PTPRN2: variants seen among roughly 807,000 people sequenced by gnomAD.
PTPRN2 encodes protein tyrosine phosphatase receptor type N2.
Under a neutral mutation model 118.8 loss-of-function variants are expected in PTPRN2, and 74 were observed. The ratio of observed to expected loss-of-function variants is 0.62; its 90% CI spans 0.52 to 0.76. PTPRN2 has a LOEUF of 0.76. PTPRN2 is among the 30% of genes least tolerant of loss of function. The pLI, the probability that PTPRN2 is intolerant of heterozygous loss-of-function variation, is 0.00. For missense variants in PTPRN2, 1,481 were observed against 1,394.4 expected (o/e 1.06, Z -0.99); for synonymous variants, 641 against 608.0 (o/e 1.05, Z -0.80).
intron 12 of PTPRN2, among the ~76,000 whole-genome samples, chr7:157,848,471 C>G (rs112477934): frequency 6.8e-6 from 1 of 147,682 alleles, no homozygotes; most frequent in Admixed American, 6.7e-5. Context: ...CTGCATCATG[C>G]GTGCCCAATG....
At chr7:158,413,747 G>A (rs987197933) in intron 2 of PTPRN2, among the ~76,000 whole-genome samples, 4 of 152,356 alleles carry the variant, frequency 2.6e-5, no homozygotes, top group African/African-American at 4.8e-5. Context: ...CCCATCCTGC[G>A]GGTGCTGGGG....
At chr7:158,394,496 G>A (rs1420201083) in intron 2 of PTPRN2, among the ~76,000 whole-genome samples, 1 of 152,198 alleles carries the variant, frequency 6.6e-6, no homozygotes, top group East Asian at 1.9e-4. Context: ...TCGGGGATGA[G>A]CCCCCGTGGC....
At chr7:158,206,677 G>A (rs1328998471) in intron 3 of PTPRN2, among the ~76,000 whole-genome samples, 2 of 152,102 alleles carry the variant, frequency 1.3e-5, no homozygotes, top group African/African-American at 2.4e-5. Flanking sequence ...GACTGCCAAG[G>A]TGATACATCT....
rs575579555 is a variant in PTPRN2, at chr7:158,510,666, T to G, written c.113-20881A>C. On this transcript the variant is annotated intron_variant, in intron 1 of 22. Transcript: ENST00000389418. ...CACAGATATCAGAAATTCTCCTATT[T>G]GATAAAAAATACTGTAATTCCATGT... Among the ~76,000 whole-genome samples the G allele has an allele frequency of 2.6e-5, 4 of 152,310 alleles. No individual in the cohort carries two copies. In the East Asian group the frequency reaches 7.7e-4, roughly 29 times the overall value.
At chr7:158,265,122 G>C (rs1460539808) in intron 3 of PTPRN2, among the ~76,000 whole-genome samples, 1 of 152,102 alleles carries the variant, frequency 6.6e-6, no homozygotes, top group Non-Finnish European at 1.5e-5. Flanking sequence ...TGCTTCGTAT[G>C]TGTTCCGCAG....
In PTPRN2 at chr7:157,812,243, G is replaced by C. The variant is rs112686011; in HGVS notation, c.1788+86430C>G. Among the ~76,000 whole-genome samples the C allele has an allele frequency of 3.2e-3, 492 of 152,304 alleles. 3 individuals are homozygous for C. Among genetic ancestry groups the C allele is most frequent in the African/African-American group, 0.011 (444 of 41,558 alleles). ...AGATCCGAGGGGCCGTCCTCCTCCC[G>C]TGCTGGGACCCTTGGGGCTTGCCGG... On this transcript the variant is annotated intron_variant, in intron 12 of 22. Coordinates refer to ENST00000389418, the MANE Select transcript of PTPRN2 (RefSeq NM_002847.5).
At position 158,526,545 on chromosome 7, in the gene PTPRN2, T is replaced by C. The variant is rs1363166817; in HGVS notation, c.113-36760A>G. Among the ~76,000 whole-genome samples, 2 of 152,164 alleles carry C rather than the reference T, an allele frequency of 1.3e-5. No individual in the cohort carries two copies. The highest frequency in any genetic ancestry group is 4.8e-5 in the African/African-American group (2 of 41,442). On this transcript the variant is annotated intron_variant, in intron 1 of 22. Transcript: ENST00000389418. The surrounding 1 kb of genome is among the most constrained non-coding windows in gnomAD (Gnocchi z 5.2). ...CTCCATTCCTGATCCCATTTCCTGTTTGTGGGTGTGATGGCTGAGTTGTGC... is the reference window on the plus strand; with the variant it reads ...CTCCATTCCTGATCCCATTTCCTGTCTGTGGGTGTGATGGCTGAGTTGTGC...
chr7:158,230,223 CACT>C (rs1436448925), intron 3 of PTPRN2, among the ~76,000 whole-genome samples: 2 of 152,186 alleles, frequency 1.3e-5, no homozygotes, highest in Non-Finnish European at 2.9e-5. Context: ...GATAATTCAC[CACT>C]ACTAGTCCTG....
At chr7:158,137,410 C>G (rs1250701857) in intron 7 of PTPRN2, among the ~76,000 whole-genome samples, 3 of 152,000 alleles carry the variant, frequency 2.0e-5, no homozygotes, top group Non-Finnish European at 4.4e-5. Flanking sequence ...GAGAGAGACT[C>G]CATCTCAAAA....
chr7:157,913,649 T>C (rs887527016), intron 11 of PTPRN2, among the ~76,000 whole-genome samples: 1 of 152,214 alleles, frequency 6.6e-6, no homozygotes, highest in African/African-American at 2.4e-5. Context: ...GAGATAATAA[T>C]TTTTTTCTCT....
intron 9 of PTPRN2, among the ~76,000 whole-genome samples, chr7:158,111,887 T>C (rs1357554304): frequency 6.6e-6 from 1 of 152,224 alleles, no homozygotes; most frequent in Non-Finnish European, 1.5e-5. Flanking sequence ...ATCATAGATT[T>C]AGTTAAGCTG....
Position 158,304,072 on chromosome 7 carries a change from A to G in PTPRN2, c.277+12747T>C, listed in dbSNP as rs138392385. On this transcript the variant is annotated intron_variant, in intron 3 of 22. Transcript: ENST00000389418. ...TTTCTACATGCTAGGGAGGCATAAG[A>G]CACCCATCAATACACATAAGATGTA... 7.2e-3 allele frequency among the ~76,000 whole-genome samples: 1,089 copies of G among 152,124 alleles called. 13 individuals are homozygous for G. The highest frequency in any genetic ancestry group is 0.024 in the African/African-American group (1,006 of 41,416).
intron 12 of PTPRN2, among the ~76,000 whole-genome samples, chr7:157,747,750 C>T (rs1248687637): frequency 1.6e-5 from 2 of 128,900 alleles, no homozygotes; most frequent in South Asian, 5.3e-4. Context: ...CATCTCTGAG[C>T]TCTGGGCTGT....
chr7:158,098,895 G>A (rs1270224833), intron 10 of PTPRN2, among the ~76,000 whole-genome samples: 1 of 151,876 alleles, frequency 6.6e-6, no homozygotes, highest in Non-Finnish European at 1.5e-5. Context: ...ACAGTGCGGG[G>A]TGCAGCGTTC....
intron 1 of PTPRN2, among the ~76,000 whole-genome samples, chr7:158,493,010 C>T (rs1175754448): frequency 4.6e-5 from 7 of 152,248 alleles, no homozygotes; most frequent in Non-Finnish European, 7.3e-5. Flanking sequence ...GGGCCCTTAA[C>T]CTTGTGTGCC....
intron 12 of PTPRN2, among the ~76,000 whole-genome samples, chr7:157,766,693 A>G (rs1451383699): frequency 6.6e-6 from 1 of 152,230 alleles, no homozygotes; most frequent in African/African-American, 2.4e-5. Flanking sequence ...GGTACCCAGA[A>G]CTGCAAGAAC....
chr7:158,508,880 T>C (rs367894424), intron 1 of PTPRN2, among the ~76,000 whole-genome samples: 1 of 136,446 alleles, frequency 7.3e-6, no homozygotes, highest in East Asian at 2.4e-4. Flanking sequence ...TCCGCTCCTG[T>C]GGGTGTCGGG....
intron 2 of PTPRN2, among the ~76,000 whole-genome samples, chr7:158,394,368 A>G (rs1812168827): frequency 2.6e-5 from 4 of 152,190 alleles, no homozygotes; most frequent in African/African-American, 9.7e-5. Context: ...CAGGGAGGGC[A>G]TTGGAGGCCA....
At chr7:158,052,891 C>T (rs1809444676) in intron 11 of PTPRN2, among the ~76,000 whole-genome samples, 1 of 152,186 alleles carries the variant, frequency 6.6e-6, no homozygotes, top group Non-Finnish European at 1.5e-5. Context: ...CAGCCTAGGA[C>T]AAAGCTCCCT....
Sources: allele counts gnomAD v4.1 joint callset (sites outside exome capture counted in the v4.1 genomes callset), GRCh38; gene constraint gnomAD v4.1.1; non-coding constraint Gnocchi (gnomAD v3.1); transcripts MANE v1.5; gene names NCBI Gene and HGNC (gene_info 2026-07-23, HGNC 2026-07-21).